The following GRHPR variants were observed in gnomAD, a reference collection of about 807,000 sequenced individuals.
GRHPR encodes the protein glyoxylate reductase/hydroxypyruvate reductase.
GRHPR carries 35 observed loss-of-function variants against 36.8 expected under a neutral mutation model. The observed-to-expected ratio is 0.95, with a 90% confidence interval of 0.73 to 1.26. GRHPR has a LOEUF of 1.26. Among genes scored for constraint, GRHPR ranks in the 50% most tolerant of loss-of-function variants. The pLI is 0.00. For synonymous variants in GRHPR, 179 were observed against 181.0 expected (o/e 0.99, Z 0.09); for missense variants, 380 against 435.0 (o/e 0.87, Z 1.12).
rs756155443 is a variant in GRHPR, at chr9:37,436,761, G to C, written c.966G>C (p.Met322Ile). Residue 322 changes from methionine (M) to isoleucine (I), a missense_variant, in exon 9 of 9, where the codon ATG (methionine) becomes ATC (isoleucine). Coordinates refer to ENST00000318158, the MANE Select transcript of GRHPR (RefSeq NM_012203.2). ...TGGCTGGCCTGAGAGGGGAGCCGAT[G>C]CCTAGTGAACTCAAGCTGTAGCCAA... is the stretch of plus-strand genomic sequence containing the variant. ...NLLAGLRGEP[M>I]PSELKL The C allele has an allele frequency of 6.2e-7, 1 of 1,614,076 alleles. No homozygotes were observed. Among genetic ancestry groups the C allele is most frequent in the Non-Finnish European group, 8.5e-7 (1 of 1,179,976 alleles).
downstream of GRHPR, chr9:37,439,100 T>C (rs1823799840): frequency 6.6e-6 from 1 of 152,206 alleles, no homozygotes; most frequent in African/African-American, 2.4e-5. Context: ...AATGAACTCA[T>C]GTTCATGCAT....
At chr9:37,425,087 T>A in intron 2 of GRHPR, 112 bp downstream of exon 2, 2 of 1,116,956 alleles carry the variant, frequency 1.8e-6, no homozygotes, top group Non-Finnish European at 2.6e-6. Context: ...TGAGGGCGTT[T>A]CCTGCGATAC....
At chr9:37,426,817 G>T (rs947332785) in intron 4 of GRHPR, among the ~76,000 whole-genome samples, 163 bp downstream of exon 4, 1 of 152,226 alleles carries the variant, frequency 6.6e-6, no homozygotes, top group African/African-American at 2.4e-5. Context: ...TGGGTGTGGT[G>T]GTGGGTCCCT....
At position 37,436,818 on chromosome 9, in the gene GRHPR, G is replaced by A. The variant is rs370704714; in HGVS notation, c.*36G>A. On this transcript the variant is annotated 3_prime_UTR_variant, in exon 9 of 9. Transcript: ENST00000318158. Reference sequence around the variant, plus strand: ...GAGATGGAGGGCCGGGAAGCAAACCGTGCCCTGGTATTGTCAGACACACCC... The same window carrying A: ...GAGATGGAGGGCCGGGAAGCAAACCATGCCCTGGTATTGTCAGACACACCC... 8.7e-6 allele frequency: 14 copies of A among 1,611,870 alleles called. No individual in the cohort carries two copies. Among genetic ancestry groups the A allele is most frequent in the East Asian group, 2.2e-5 (1 of 44,846 alleles).
At chr9:37,426,038 G>T in intron 3 of GRHPR, 44 bp downstream of exon 3, 1 of 1,281,458 alleles carries the variant, frequency 7.8e-7, no homozygotes, top group Non-Finnish European at 1.1e-6. Flanking sequence ...AGAGAGGGGT[G>T]GCTATGAGAG....
rs911007591 is a variant in GRHPR, at chr9:37,432,099, C to T, written c.826C>T (p.Leu276=). Residue 276 remains leucine (L), a synonymous_variant, in exon 8 of 9, where the codon CTG becomes TTG. Transcript: ENST00000318158. The part of the protein sequence containing the change: ...AGLDVTSPEP[L]PTNHPLLTLK... The stretch of plus-strand genomic sequence containing the variant: ...ACTGGATGTGACGAGCCCAGAACCA[C>T]TGCCTACAAACCACCCTCTCCTGAC... The T allele has an allele frequency of 6.2e-7, 1 of 1,614,122 alleles. No homozygotes were observed. Among genetic ancestry groups the T allele is most frequent in the Non-Finnish European group, 8.5e-7 (1 of 1,179,954 alleles).
Position 37,436,866 on chromosome 9 carries a change from C to A in GRHPR, c.*84C>A. Reference sequence around the variant, plus strand: ...CCCAGGCTTGATTTGGATCCACAGGCAGAGCCAAGGGAAGGTGTGATTCTC... The same window carrying A: ...CCCAGGCTTGATTTGGATCCACAGGAAGAGCCAAGGGAAGGTGTGATTCTC... On this transcript the variant is annotated 3_prime_UTR_variant, in exon 9 of 9. Coordinates refer to ENST00000318158, the MANE Select transcript of GRHPR (RefSeq NM_012203.2). The A allele has an allele frequency of 7.0e-7, 1 of 1,430,028 alleles. No individual in the cohort carries two copies. The highest frequency in any genetic ancestry group is 9.9e-7 in the Non-Finnish European group (1 of 1,013,402). The allele number at this position is 1,430,028 out of a possible 1,614,324, so 88.6% of individuals were successfully genotyped here. A position where few individuals can be genotyped will look rare whatever the true frequency, so the allele number is the denominator to read the frequency against.
At chr9:37,433,376 G>A (rs1306278081) in intron 8 of GRHPR, among the ~76,000 whole-genome samples, 1 of 152,054 alleles carries the variant, frequency 6.6e-6, no homozygotes, top group Non-Finnish European at 1.5e-5. Context: ...TGGGATTACA[G>A]GCGTGTACCA....
chr9:37,435,449 AAAGG>A (rs1823595190), intron 8 of GRHPR, among the ~76,000 whole-genome samples: 2 of 152,158 alleles, frequency 1.3e-5, no homozygotes, highest in Non-Finnish European at 2.9e-5. Flanking sequence ...AAGTGTAGGG[AAAGG>A]CTGGTTTTTG....
intron 3 of GRHPR, 41 bp from the exon 4 acceptor site, chr9:37,426,497 A>G (rs1823081658): frequency 8.1e-7 from 1 of 1,231,828 alleles, no homozygotes; most frequent in Non-Finnish European, 1.2e-6. Flanking sequence ...ATTGGTAAAT[A>G]TGGTTGAGGC....
rs905215446 is a variant in GRHPR, at chr9:37,422,715, T to C, written c.-36T>C. The stretch of plus-strand genomic sequence containing the variant: ...CCAGCTACATTCCCGGGCCAGCTTC[T>C]GTACTGCCAGGTCCGGGTCGGCGGC... On this transcript the variant is annotated 5_prime_UTR_variant, in exon 1 of 9. Transcript: ENST00000318158. 4 of 1,500,910 alleles carry C rather than the reference T, an allele frequency of 2.7e-6. No individual in the cohort carries two copies. The African/African-American group carries it at 4.2e-5, about 16-fold the overall frequency. The allele number at this position is 1,500,910 out of a possible 1,614,324, so 93.0% of individuals were successfully genotyped here.
chr9:37,432,121 T>G lies in GRHPR; in HGVS notation c.848T>G (p.Leu283Arg), dbSNP rs777592522. 6.2e-7 allele frequency: 1 copy of G among 1,613,932 alleles called. No individual in the cohort carries two copies. Among genetic ancestry groups the G allele is most frequent in the South Asian group, 1.1e-5 (1 of 91,086 alleles). The change falls in exon 8 of 9, where the codon CTG (leucine) becomes CGG (arginine). Residue 283 changes from leucine (L) to arginine (R), a missense_variant. Physicochemically the swap from Leu to Arg is moderately radical, Grantham distance 102. Transcript: ENST00000318158. ...PEPLPTNHPL[L>R]TLKNCVILPH... ...CCACTGCCTACAAACCACCCTCTCC[T>G]GACCCTGAAGAACTGTGGTAAGAAC...
At chr9:37,433,696 A>G (rs891742532) in intron 8 of GRHPR, 12 of 168,794 alleles carry the variant, frequency 7.1e-5, no homozygotes, top group Admixed American at 4.5e-4. Context: ...TCCAGGGACC[A>G]CACTTTGTGG....
downstream of GRHPR, chr9:37,437,045 T>A (rs983642394): frequency 4.7e-6 from 2 of 426,188 alleles, no homozygotes; most frequent in Admixed American, 3.4e-5. Context: ...CTGGGCATGG[T>A]GACGCACCCC....
At chr9:37,433,830 T>C (rs1445154607) in intron 8 of GRHPR, 1 of 382,226 alleles carries the variant, frequency 2.6e-6, no homozygotes, top group Admixed American at 4.5e-5. Context: ...GATCAGGGCC[T>C]TAGGTTGTCC....
chr9:37,436,679 G>A lies in GRHPR; in HGVS notation c.884G>A (p.Gly295Asp), dbSNP rs1393029548. The change falls in exon 9 of 9, where the codon GGC (glycine) becomes GAC (aspartate). Residue 295 changes from glycine (G) to aspartate (D), a missense_variant. By Grantham distance (94) the Gly-to-Asp change is moderately conservative (BLOSUM62 -1). Transcript: ENST00000318158. ...TTTCCAGTGATTCTGCCCCACATTG[G>A]CAGTGCCACCCACAGAACCCGCAAC... Reference protein sequence around the residue: ...LKNCVILPHIGSATHRTRNTM... With the variant: ...LKNCVILPHIDSATHRTRNTM... The A allele has an allele frequency of 6.2e-7, 1 of 1,613,816 alleles. No individual in the cohort carries two copies. Among genetic ancestry groups the A allele is most frequent in the Non-Finnish European group, 8.5e-7 (1 of 1,179,926 alleles).
intron 1 of GRHPR, among the ~76,000 whole-genome samples, chr9:37,423,808 A>T (rs1822953552): frequency 6.6e-6 from 1 of 152,306 alleles, no homozygotes; most frequent in Non-Finnish European, 1.5e-5. Context: ...TTGTGGGCCA[A>T]CCTTGCCAGG....
chr9:37,434,944 A>C (rs10973336), intron 8 of GRHPR: 7,299 of 152,350 alleles, frequency 0.048, 213 homozygotes, highest in Middle Eastern at 0.074. Context: ...ATTCTGATTC[A>C]TTATATGTCT....
At chr9:37,430,033 C>T (rs1318958993) in intron 6 of GRHPR, 197 bp downstream of exon 6, 2 of 637,316 alleles carry the variant, frequency 3.1e-6, no homozygotes, top group South Asian at 3.4e-5. Context: ...CAGGTCCTCT[C>T]CGAGCCAGCA....
Sources: gnomAD v4.1 joint callset for allele counts (sites outside exome capture counted in the v4.1 genomes callset) on GRCh38, gnomAD v4.1.1 for gene constraint, MANE v1.5 for transcripts, NCBI Gene and HGNC (gene_info 2026-07-23, HGNC 2026-07-21) for gene names.